The following KHDRBS2 variants were observed in gnomAD, a reference collection of about 807,000 sequenced individuals.
KHDRBS2 encodes the protein KH RNA binding domain containing, signal transduction associated 2.
KHDRBS2 carries 26 observed loss-of-function variants against 44.3 expected under a neutral mutation model. That is an observed-to-expected ratio of 0.59 (90% CI 0.43 to 0.81). KHDRBS2 has a LOEUF of 0.81. Among genes scored for constraint, KHDRBS2 ranks in the 40% least tolerant of loss-of-function variants. The pLI, the probability that KHDRBS2 is intolerant of heterozygous loss-of-function variation, is 0.00. For missense variants in KHDRBS2, 476 were observed against 433.1 expected (o/e 1.10, Z -0.88); for synonymous variants, 194 against 151.1 (o/e 1.28, Z -2.08).
At chr6:61,823,163 T>G (rs982844469) in intron 6 of KHDRBS2, among the ~76,000 whole-genome samples, 4 of 151,974 alleles carry the variant, frequency 2.6e-5, no homozygotes, top group Non-Finnish European at 5.9e-5. Context: ...AAAGGGGCCA[T>G]GAGAATGCTT....
At chr6:62,019,824 T>C (rs183288210) in intron 3 of KHDRBS2, among the ~76,000 whole-genome samples, 32 of 152,156 alleles carry the variant, frequency 2.1e-4, no homozygotes, top group African/African-American at 7.5e-4. Flanking sequence ...TTTCTCTTTT[T>C]TTTCTTGATT....
chr6:61,955,068 A>G (rs1199278303), intron 4 of KHDRBS2, among the ~76,000 whole-genome samples: 1 of 142,872 alleles, frequency 7.0e-6, no homozygotes, highest in Non-Finnish European at 1.5e-5. Context: ...ATGTATACAC[A>G]TATACGTGTG....
At chr6:62,191,880 A>G (rs1339672349) in intron 1 of KHDRBS2, among the ~76,000 whole-genome samples, 1 of 152,128 alleles carries the variant, frequency 6.6e-6, no homozygotes, top group African/African-American at 2.4e-5. Context: ...AAACCACAAC[A>G]AAAGAGTGAC....
At chr6:61,992,747 A>C (rs1380300127) in intron 3 of KHDRBS2, among the ~76,000 whole-genome samples, 1 of 152,254 alleles carries the variant, frequency 6.6e-6, no homozygotes, top group African/African-American at 2.4e-5. Flanking sequence ...TTTTAATCAA[A>C]GAAACAGCTT....
chr6:62,268,780 T>C (rs1056605413), intron 1 of KHDRBS2, among the ~76,000 whole-genome samples: 1 of 152,046 alleles, frequency 6.6e-6, no homozygotes, highest in Non-Finnish European at 1.5e-5. Context: ...TACATAGCTA[T>C]GTATAAATTT....
the KHDRBS2 span, among the ~76,000 whole-genome samples, chr6:61,560,770 C>A: frequency 2.6e-5 from 4 of 152,118 alleles, no homozygotes; most frequent in African/African-American, 9.7e-5. Context: ...TTTGAATTCT[C>A]TTTCTGAAAG....
intron 7 of KHDRBS2, among the ~76,000 whole-genome samples, chr6:61,724,038 G>A (rs1320739811): frequency 6.6e-6 from 1 of 152,072 alleles, no homozygotes; most frequent in Non-Finnish European, 1.5e-5. Flanking sequence ...TGAAGTGAAA[G>A]AAAAGTAATT....
At chr6:61,970,429 T>C (rs559873017) in intron 4 of KHDRBS2, among the ~76,000 whole-genome samples, 108 of 152,186 alleles carry the variant, frequency 7.1e-4, no homozygotes, top group African/African-American at 2.4e-3. Context: ...GTAAAATGCT[T>C]GAATTCTAAG....
intron 1 of KHDRBS2, among the ~76,000 whole-genome samples, chr6:62,200,214 C>A (rs1585174204): frequency 6.6e-6 from 1 of 152,114 alleles, no homozygotes; most frequent in African/African-American, 2.4e-5. Flanking sequence ...GCAATGGCAA[C>A]AGAAGCCAAA....
chr6:61,693,682 G>A (rs1233717292), intron 8 of KHDRBS2, among the ~76,000 whole-genome samples: 1 of 152,040 alleles, frequency 6.6e-6, no homozygotes, highest in African/African-American at 2.4e-5. Context: ...TCTATGTGCA[G>A]AAAATTTCTT....
chr6:62,030,589 A>C (rs1303467150), intron 3 of KHDRBS2, among the ~76,000 whole-genome samples: 1 of 152,110 alleles, frequency 6.6e-6, no homozygotes, highest in Non-Finnish European at 1.5e-5. Flanking sequence ...ATGAAAAATG[A>C]ATAATTAAGA....
chr6:61,973,993 C>T (rs1771967214), intron 4 of KHDRBS2, among the ~76,000 whole-genome samples: 1 of 152,154 alleles, frequency 6.6e-6, no homozygotes, highest in Non-Finnish European at 1.5e-5. Context: ...CTCCTCCTTT[C>T]ATCTTTTTAA....
chr6:61,998,794 T>C (rs1777697580), intron 3 of KHDRBS2, among the ~76,000 whole-genome samples: 1 of 152,040 alleles, frequency 6.6e-6, no homozygotes, highest in Non-Finnish European at 1.5e-5. Flanking sequence ...CACGACAAAA[T>C]GGCTTTCTGC....
the KHDRBS2 span, among the ~76,000 whole-genome samples, chr6:61,555,598 C>A: frequency 1.3e-5 from 2 of 152,148 alleles, no homozygotes; most frequent in Non-Finnish European, 2.9e-5. Context: ...TTTTGAGTTG[C>A]CAGAGTTCTT....
chr6:62,240,072 T>C (rs1022917700), intron 1 of KHDRBS2, among the ~76,000 whole-genome samples: 18 of 152,316 alleles, frequency 1.2e-4, no homozygotes, highest in Admixed American at 4.6e-4. Flanking sequence ...AGAGTTCCCA[T>C]ATATCACACA....
chr6:62,145,260 G>GT (rs140865048), intron 2 of KHDRBS2, among the ~76,000 whole-genome samples: 26,833 of 148,598 alleles, frequency 0.18, 2,722 homozygotes, highest in African/African-American at 0.28. Context: ...TCTCTTTTTT[G>GT]TTTTTTTTTG....
At chr6:61,544,324 A>C in the KHDRBS2 span, among the ~76,000 whole-genome samples, 11 of 152,260 alleles carry the variant, frequency 7.2e-5, no homozygotes, top group East Asian at 2.1e-3. Flanking sequence ...TAGTAGCTTC[A>C]GCAGATTTCA....
At chr6:61,846,893 A>G (rs1195844097) in intron 6 of KHDRBS2, among the ~76,000 whole-genome samples, 1 of 152,038 alleles carries the variant, frequency 6.6e-6, no homozygotes, top group Non-Finnish European at 1.5e-5. Flanking sequence ...TTTTCCTTCA[A>G]TAACTTTTAG....
At position 61,732,689 on chromosome 6, in the gene KHDRBS2, T is replaced by C. The variant is rs111849427; in HGVS notation, c.886A>G (p.Thr296Ala). The C allele has an allele frequency of 6.0e-4, 953 of 1,601,298 alleles. 11 individuals are homozygous for C. In the African/African-American group the frequency reaches 0.011, roughly 19 times the overall value. Residue 296 changes from threonine to alanine, a missense_variant, in exon 7 of 9, where the codon ACA becomes GCA. Physicochemically the swap from Thr to Ala is moderately conservative, Grantham distance 58. Coordinates refer to ENST00000281156, the MANE Select transcript of KHDRBS2 (RefSeq NM_152688.4). The stretch of plus-strand genomic sequence containing the variant: ...AGATAGCAAATGCCTTACCTTTGTG[T>C]TTGGGTCGCATAGCTGTTATCATAA... ...ETYDNSYATQTQSVPEYYDYG... is the reference protein window; with the variant it reads ...ETYDNSYATQAQSVPEYYDYG...
Sources: allele counts gnomAD v4.1 joint callset (sites outside exome capture counted in the v4.1 genomes callset), GRCh38; gene constraint gnomAD v4.1.1; transcripts MANE v1.5; gene names NCBI Gene and HGNC (gene_info 2026-07-23, HGNC 2026-07-21).